Variants in GNG7 observed in about 807,000 individuals in gnomAD.
The protein encoded by GNG7 is G protein subunit gamma 7, also known as guanine nucleotide-binding protein G(I)/G(S)/G(O) subunit gamma-7.
A neutral mutation model predicts 4.0 loss-of-function variants in GNG7; 1 was observed. That is an observed-to-expected ratio of 0.25 (90% confidence interval 0.09 to 1.18). The LOEUF is 1.18. Ranked by LOEUF, GNG7 falls within the 50% of genes most tolerant of loss-of-function variation. The pLI is 0.50. For missense variants in GNG7, 86 were observed against 91.9 expected, an observed-to-expected ratio of 0.94 and a Z score of 0.26; for synonymous variants, 34 against 36.9, an observed-to-expected ratio of 0.92 and a Z score of 0.29.
chr19:2,701,822 C>T (rs913736190), intron 1 of GNG7, among the ~76,000 whole-genome samples: 1 of 151,448 alleles, frequency 6.6e-6, no homozygotes, highest in Non-Finnish European at 1.5e-5. Flanking sequence ...ACCCCCAACA[C>T]CATCCCCAGC....
rs879170748 is a variant in GNG7 at position 2,546,964 on chromosome 19, G to A, written c.-38+8185C>T. ...CCGGGCCAGGGCAAGGGGCAGCGCC[G>A]GCCTCGTGACGGTGGTGCTCGGGAG... On this transcript the variant is annotated intron_variant, in intron 3 of 4. Coordinates refer to ENST00000382159, the MANE Select transcript of GNG7 (RefSeq NM_052847.3). This position sits in a 1 kb window ranked among gnomAD's most constrained non-coding sequence, Gnocchi z 6.3. Among the ~76,000 whole-genome samples, 3 of 152,098 alleles carry A rather than the reference G, an allele frequency of 2.0e-5. No homozygotes were observed. The East Asian group carries it at 5.8e-4, about 29-fold the overall frequency.
At chr19:2,619,396 CA>C (rs1279340497) in intron 2 of GNG7, among the ~76,000 whole-genome samples, 33 of 152,226 alleles carry the variant, frequency 2.2e-4, no homozygotes, top group African/African-American at 8.0e-4. Context: ...AAACATTTGC[CA>C]TCTGGATCTC....
intron 2 of GNG7, among the ~76,000 whole-genome samples, chr19:2,598,392 TCA>T: frequency 2.0e-5 from 3 of 151,356 alleles, no homozygotes; most frequent in Non-Finnish European, 2.9e-5. Context: ...GCGTGGTGGC[TCA>T]CGCCTGTACT....
chr19:2,696,688 A>T (rs1459338009), intron 1 of GNG7, among the ~76,000 whole-genome samples: 1 of 152,194 alleles, frequency 6.6e-6, no homozygotes, highest in Admixed American at 6.5e-5. Flanking sequence ...AGCATGTCAC[A>T]CGCAGTGAGA....
intron 2 of GNG7, among the ~76,000 whole-genome samples, chr19:2,572,205 G>A (rs1464958881): frequency 6.6e-6 from 1 of 151,866 alleles, no homozygotes; most frequent in Non-Finnish European, 1.5e-5. Flanking sequence ...GTTTTTTAGA[G>A]ACAGGGTCTT....
intron 2 of GNG7, among the ~76,000 whole-genome samples, chr19:2,600,741 G>A (rs1396413172): frequency 1.3e-5 from 2 of 151,740 alleles, no homozygotes; most frequent in Non-Finnish European, 1.5e-5. Context: ...CTCTCAAAGC[G>A]CTGGGATTAC....
chr19:2,545,984 C>G (rs1047471109), intron 3 of GNG7, among the ~76,000 whole-genome samples: 1 of 139,296 alleles, frequency 7.2e-6, no homozygotes, highest in Non-Finnish European at 1.6e-5. Flanking sequence ...ACAAAACAAA[C>G]AAACGAAAAA....
intron 1 of GNG7, among the ~76,000 whole-genome samples, chr19:2,669,314 A>G (rs1012792236): frequency 1.3e-5 from 2 of 152,004 alleles, no homozygotes; most frequent in African/African-American, 4.8e-5. Flanking sequence ...ACATGGTGAA[A>G]CCCCATCTCT....
chr19:2,688,068 C>T lies in GNG7; in HGVS notation c.-135+14578G>A, dbSNP rs146653988. Reference sequence around the variant, plus strand: ...GAGATCGAGACTATCCTGGCTAACACGGTGAAACCCCGTCCCTACTAAAAA... The same window carrying T: ...GAGATCGAGACTATCCTGGCTAACATGGTGAAACCCCGTCCCTACTAAAAA... On this transcript the variant is annotated intron_variant, in intron 1 of 4. Transcript: ENST00000382159. Among the ~76,000 whole-genome samples, 1,405 of 151,962 alleles carry T rather than the reference C, an allele frequency of 9.2e-3. 18 individuals are homozygous for T. Among genetic ancestry groups the T allele is most frequent in the African/African-American group, 0.032 (1,306 of 41,408 alleles).
chr19:2,528,502 CAAA>C (rs398040841), intron 3 of GNG7, among the ~76,000 whole-genome samples: 12 of 128,818 alleles, frequency 9.3e-5, no homozygotes, highest in Admixed American at 2.3e-4. Context: ...AGAATGGTCT[CAAA>C]AAAAAAAAAA....
chr19:2,597,164 AG>A (rs1200711782), intron 2 of GNG7, among the ~76,000 whole-genome samples: 1 of 143,092 alleles, frequency 7.0e-6, no homozygotes, highest in Non-Finnish European at 1.5e-5. Context: ...TTGGTGACTG[AG>A]GCGGGAGGAT....
At chr19:2,640,481 T>C (rs1201165564) in intron 2 of GNG7, among the ~76,000 whole-genome samples, 2 of 152,074 alleles carry the variant, frequency 1.3e-5, no homozygotes, top group African/African-American at 2.4e-5. Flanking sequence ...AATGAGAGAA[T>C]AGAACCCTCC....
At chr19:2,536,648 C>T (rs1380798388) in intron 3 of GNG7, among the ~76,000 whole-genome samples, 5 of 152,200 alleles carry the variant, frequency 3.3e-5, no homozygotes, top group African/African-American at 1.2e-4. Flanking sequence ...AGGAGGCCTG[C>T]AGCGAGGTCC....
chr19:2,538,033 C>T (rs1008001397), intron 3 of GNG7: 117 of 418,832 alleles, frequency 2.8e-4, no homozygotes, highest in African/African-American at 1.8e-3. Flanking sequence ...GCTATGATTG[C>T]GCCACTGCCC....
At chr19:2,595,124 G>C (rs1980975735) in intron 2 of GNG7, 1 of 94,184 alleles carries the variant, frequency 1.1e-5, no homozygotes, top group South Asian at 4.5e-4. Flanking sequence ...TGTCTCAAAA[G>C]AAATTAAATT....
At chr19:2,680,284 G>A (rs1167699281) in intron 1 of GNG7, among the ~76,000 whole-genome samples, 1 of 151,470 alleles carries the variant, frequency 6.6e-6, no homozygotes, top group African/African-American at 2.4e-5. Context: ...CGAGTAACTG[G>A]GATAACAGGC....
At chr19:2,693,961 T>C (rs951594064) in intron 1 of GNG7, among the ~76,000 whole-genome samples, 2 of 150,416 alleles carry the variant, frequency 1.3e-5, no homozygotes, top group Non-Finnish European at 1.5e-5. Context: ...CTCGACACAA[T>C]ATCAGACACT....
chr19:2,523,783 G>C (rs4806862), intron 3 of GNG7, among the ~76,000 whole-genome samples: 1 of 151,836 alleles, frequency 6.6e-6, no homozygotes, highest in Non-Finnish European at 1.5e-5. Context: ...TACATTCTTT[G>C]TTAGCACTGG....
intron 3 of GNG7, among the ~76,000 whole-genome samples, chr19:2,534,360 G>T (rs1345676186): frequency 1.3e-5 from 2 of 152,166 alleles, no homozygotes; most frequent in African/African-American, 2.4e-5. Flanking sequence ...TTCTGAAAAT[G>T]CAGTTGAATC....
Sources: allele counts gnomAD v4.1 joint callset (sites outside exome capture counted in the v4.1 genomes callset), GRCh38; gene constraint gnomAD v4.1.1; non-coding constraint Gnocchi (gnomAD v3.1); transcripts MANE v1.5; gene names NCBI Gene and HGNC (gene_info 2026-07-23, HGNC 2026-07-21).